The following PSG2 variants were observed in gnomAD, a reference collection of about 807,000 sequenced individuals.
PSG2 encodes the protein pregnancy-specific beta-1-glycoprotein 2.
In PSG2, 49 loss-of-function variants were observed where a neutral mutation model predicts 36.2. That is an observed-to-expected ratio of 1.35 (90% CI 1.08 to 1.72). The LOEUF (loss-of-function observed/expected upper bound fraction) is 1.72. Among genes scored for constraint, PSG2 ranks in the 40% most tolerant of loss-of-function variants. The pLI is 0.00. For missense variants in PSG2, 605 were observed against 407.2 expected (o/e 1.49, Z -4.18); for synonymous variants, 261 against 155.6 (o/e 1.68, Z -5.04).
chr19:43,082,390 T>C, intron 1 of PSG2, 116 bp downstream of exon 1: 4 of 1,488,078 alleles, frequency 2.7e-6, no homozygotes, highest in African/African-American at 1.4e-5. Context: ...TCCACCCACC[T>C]CAGCCTCCCT....
chr19:43,076,834 A>G (rs1010419402), intron 2 of PSG2, among the ~76,000 whole-genome samples: 3 of 147,972 alleles, frequency 2.0e-5, no homozygotes, highest in Non-Finnish European at 4.5e-5. Context: ...TAATTTTTTT[A>G]TTTTGGAATA....
At chr19:43,066,229 G>T (rs528419864) in intron 5 of PSG2, among the ~76,000 whole-genome samples, 4 of 151,802 alleles carry the variant, frequency 2.6e-5, no homozygotes, top group East Asian at 3.9e-4. Context: ...ACTATTGAGA[G>T]ATGTTAAAAA....
intron 1 of PSG2, 27 bp from the exon 2 acceptor site, chr19:43,081,273 A>G: frequency 1.2e-6 from 2 of 1,602,676 alleles, no homozygotes; most frequent in Non-Finnish European, 1.7e-6. Context: ...GCATCAGACA[A>G]TATTGAGACC....
intron 5 of PSG2, among the ~76,000 whole-genome samples, chr19:43,065,193 C>A (rs1440057735): frequency 2.6e-5 from 4 of 151,574 alleles, no homozygotes; most frequent in South Asian, 4.2e-4. Context: ...TTTAGCATCA[C>A]TTATCCCTTA....
intron 3 of PSG2, among the ~76,000 whole-genome samples, chr19:43,073,410 T>C (rs1967847113): frequency 6.6e-6 from 1 of 151,736 alleles, no homozygotes; most frequent in African/African-American, 2.4e-5. Flanking sequence ...GTGAGGACCA[T>C]GTGGATCTTT....
At chr19:43,076,481 T>A (rs964430843) in intron 2 of PSG2, among the ~76,000 whole-genome samples, 4 of 151,892 alleles carry the variant, frequency 2.6e-5, no homozygotes, top group East Asian at 1.9e-4. Context: ...GAACATGAAC[T>A]GATGATGGAA....
At chr19:43,074,641 C>T (rs1967865248) in intron 3 of PSG2, among the ~76,000 whole-genome samples, 1 of 151,672 alleles carries the variant, frequency 6.6e-6, no homozygotes. Flanking sequence ...TGGCTCTTCC[C>T]TGATAGCTAG....
chr19:43,066,284 A>T (rs10426402), intron 5 of PSG2, among the ~76,000 whole-genome samples: 2,438 of 151,752 alleles, frequency 0.016, 143 homozygotes, highest in African/African-American at 0.056. Flanking sequence ...TCTCATTTGA[A>T]TCTGAGAAAC....
intron 1 of PSG2, chr19:43,082,236 G>GT: frequency 2.7e-6 from 1 of 376,950 alleles, no homozygotes; most frequent in Non-Finnish European, 4.7e-6. Context: ...TGCCTCCTGG[G>GT]TTCACGTGAT....
At chr19:43,066,660 A>G (rs918413160) in intron 4 of PSG2, 60 bp from the exon 5 acceptor site, 9 of 1,492,450 alleles carry the variant, frequency 6.0e-6, no homozygotes, top group African/African-American at 1.4e-5. Context: ...ATGGGGGAGC[A>G]TCAGGAACAA....
chr19:43,069,022 T>C lies in PSG2; in HGVS notation c.965-2422A>G, dbSNP rs1471558694. Among the ~76,000 whole-genome samples the C allele has an allele frequency of 2.6e-5, 4 of 151,560 alleles. 1 individual carries two copies. The highest frequency in any genetic ancestry group is 9.8e-5 in the African/African-American group (4 of 41,006). On this transcript the variant is annotated intron_variant, in intron 4 of 5. Transcript: ENST00000406487. ...AAATAAATTCAGTAACGTTGCACAA[T>C]AGAAAATCAGCATTCAAACGTCAGT...
chr19:43,075,883 A>G (rs1429949763), intron 2 of PSG2, among the ~76,000 whole-genome samples: 8 of 151,524 alleles, frequency 5.3e-5, no homozygotes, highest in Non-Finnish European at 8.8e-5. Flanking sequence ...GGTCATGGAA[A>G]GACACAGGAC....
At chr19:43,064,837 A>AT (rs1263711925) in intron 5 of PSG2, among the ~76,000 whole-genome samples, 2 of 151,662 alleles carry the variant, frequency 1.3e-5, no homozygotes, top group Admixed American at 6.6e-5. Flanking sequence ...ACTCATTAAA[A>AT]AAATTTTTTT....
chr19:43,081,424 G>A (rs1967974114), intron 1 of PSG2, among the ~76,000 whole-genome samples, 178 bp from the exon 2 acceptor site: 2 of 151,076 alleles, frequency 1.3e-5, no homozygotes, highest in Non-Finnish European at 2.9e-5. Context: ...GTTTGTATGT[G>A]TGTATGTGTG....
intron 3 of PSG2, among the ~76,000 whole-genome samples, chr19:43,075,056 T>A (rs939575581): frequency 1.3e-5 from 2 of 151,696 alleles, no homozygotes; most frequent in Non-Finnish European, 2.9e-5. Context: ...GCCGCAACAC[T>A]GAACTCCCAG....
chr19:43,075,902 A>T (rs1967889176), intron 2 of PSG2, among the ~76,000 whole-genome samples: 1 of 151,530 alleles, frequency 6.6e-6, no homozygotes, highest in Non-Finnish European at 1.5e-5. Context: ...ACCAGCAGTC[A>T]CAGCCCCTGG....
Position 43,074,964 on chromosome 19 carries a change from G to A in PSG2, c.709+390C>T, listed in dbSNP as rs554854195. Among the ~76,000 whole-genome samples the A allele has an allele frequency of 4.0e-5, 6 of 151,744 alleles. No homozygotes were observed. In the South Asian group the frequency reaches 1.2e-3, roughly 32 times the overall value. On this transcript the variant is annotated intron_variant, in intron 3 of 5. Coordinates refer to ENST00000406487, the MANE Select transcript of PSG2 (RefSeq NM_031246.4). ...GGGCATCCAGGCCATCTGGAGCAAA[G>A]AGCATAAAGTCACAGGCACTATTGT...
intron 5 of PSG2, among the ~76,000 whole-genome samples, chr19:43,066,287 T>C (rs570884710): frequency 1.3e-5 from 2 of 151,720 alleles, no homozygotes; most frequent in East Asian, 3.9e-4. Flanking sequence ...CATTTGAATC[T>C]GAGAAACAAA....
At chr19:43,072,054 T>C in intron 3 of PSG2, 100 bp from the exon 4 acceptor site, 8 of 1,488,632 alleles carry the variant, frequency 5.4e-6, no homozygotes, top group South Asian at 1.3e-5. Context: ...ACAAGACACA[T>C]CCTCAAGTCC....
Sources: gnomAD v4.1 joint callset for allele counts (sites outside exome capture counted in the v4.1 genomes callset) on GRCh38, gnomAD v4.1.1 for gene constraint, MANE v1.5 for transcripts, NCBI Gene and HGNC (gene_info 2026-07-23, HGNC 2026-07-21) for gene names.